The following PCDHGB4 variants were observed in gnomAD, a reference collection of about 807,000 sequenced individuals.
PCDHGB4 encodes protocadherin gamma-B4.
PCDHGB4 carries 38 observed loss-of-function variants against 60.5 expected under a neutral mutation model. That is an observed-to-expected ratio of 0.63 (90% CI 0.48 to 0.82). PCDHGB4 has a LOEUF of 0.82. Among genes scored for constraint, PCDHGB4 ranks in the 40% least tolerant of loss-of-function variants. The pLI is 0.00. For missense variants in PCDHGB4, 1,109 were observed against 1,209.6 expected (o/e 0.92, Z 1.23); for synonymous variants, 456 against 509.7 (o/e 0.89, Z 1.42).
At chr5:141,418,127 A>T in intron 1 of PCDHGB4, 1 of 1,614,104 alleles carries the variant, frequency 6.2e-7, no homozygotes, top group Non-Finnish European at 8.5e-7. Context: ...GAAGGACCGA[A>T]TAGACCGTGA....
At chr5:141,421,774 C>G (rs767599830) in intron 1 of PCDHGB4, 27 of 1,613,772 alleles carry the variant, frequency 1.7e-5, no homozygotes, top group Middle Eastern at 1.6e-4. Context: ...TTCCTTGCAA[C>G]TGCGGGGCAG....
chr5:141,428,204 C>G, intron 1 of PCDHGB4: 2 of 1,324,722 alleles, frequency 1.5e-6, no homozygotes, highest in Non-Finnish European at 1.1e-6. Context: ...TGCGCCGCTA[C>G]GCTTCACCTA....
At chr5:141,393,639 A>G in intron 1 of PCDHGB4, 1 of 1,613,964 alleles carries the variant, frequency 6.2e-7, no homozygotes, top group Non-Finnish European at 8.5e-7. Context: ...AATCAACGGA[A>G]AAGTGGCATA....
intron 1 of PCDHGB4, among the ~76,000 whole-genome samples, chr5:141,448,214 G>A (rs2098576063): frequency 6.6e-6 from 1 of 152,092 alleles, no homozygotes; most frequent in Non-Finnish European, 1.5e-5. Context: ...CTGTGTGTAT[G>A]CGAATGTATG....
chr5:141,413,895 T>A (rs749075692), intron 1 of PCDHGB4: 2 of 1,613,308 alleles, frequency 1.2e-6, no homozygotes, highest in South Asian at 2.2e-5. Flanking sequence ...TCGATGCAAA[T>A]GACAACGCGC....
chr5:141,500,394 A>G (rs1024641290), intron 2 of PCDHGB4, among the ~76,000 whole-genome samples: 1 of 151,922 alleles, frequency 6.6e-6, no homozygotes, highest in Non-Finnish European at 1.5e-5. Flanking sequence ...TATTTTTAGT[A>G]GAGACGGGGT....
chr5:141,393,939 T>C (rs1488586975), intron 1 of PCDHGB4: 2 of 1,613,856 alleles, frequency 1.2e-6, no homozygotes, highest in Non-Finnish European at 8.5e-7. Context: ...TGACCAAGAC[T>C]CTGGAAAGAA....
chr5:141,409,700 G>GCGGTGT (rs1561722150), intron 1 of PCDHGB4: 2 of 1,613,280 alleles, frequency 1.2e-6, no homozygotes, highest in Admixed American at 3.3e-5. Flanking sequence ...AGAGCCCCTG[G>GCGGTGT]CGGTGTCGTC....
intron 1 of PCDHGB4, chr5:141,394,899 G>A: frequency 6.2e-7 from 1 of 1,613,804 alleles, no homozygotes; most frequent in Admixed American, 1.7e-5. Context: ...TCTCGTGGTG[G>A]CAGTGGCTGC....
rs534816363 is a variant in PCDHGB4, at chr5:141,456,234, G to T, written c.2398-38573G>T. Among the ~76,000 whole-genome samples the T allele has an allele frequency of 2.2e-4, 33 of 152,224 alleles. 1 individual carries two copies. The South Asian group carries it at 6.9e-3, about 32-fold the overall frequency. On this transcript the variant is annotated intron_variant, in intron 1 of 3. Transcript: ENST00000519479. ...CTGTGGCGATATCAAACTAACTGCT[G>T]TTAGGAGGCTTTGGGCGACCATTGC...
In PCDHGB4 at chr5:141,413,486, C is replaced by T. The variant is rs756751796; in HGVS notation, c.2397+23205C>T. On this transcript the variant is annotated intron_variant, in intron 1 of 3. Transcript: ENST00000519479. Reference sequence around the variant, plus strand: ...CGGGAGGAGCTCTGCGCTCAGAGCGCGCGGTGCGTGGTGAGTTTTAATATC... The same window carrying T: ...CGGGAGGAGCTCTGCGCTCAGAGCGTGCGGTGCGTGGTGAGTTTTAATATC... 5.0e-6 allele frequency: 8 copies of T among 1,613,914 alleles called. No homozygotes were observed. The African/African-American group carries it at 9.3e-5, about 19-fold the overall frequency.
chr5:141,430,957 C>T (rs771551541), intron 1 of PCDHGB4: 42 of 1,611,532 alleles, frequency 2.6e-5, no homozygotes, highest in Middle Eastern at 3.3e-4. Context: ...GAGTCCGCAT[C>T]ATCCCCAGAG....
In PCDHGB4 at chr5:141,421,851, T is replaced by A. The variant is rs771169063; in HGVS notation, c.2397+31570T>A. 16 of 1,613,596 alleles carry A rather than the reference T, an allele frequency of 9.9e-6. No homozygotes were observed. The Middle Eastern group carries it at 4.9e-4, about 50-fold the overall frequency. On this transcript the variant is annotated intron_variant, in intron 1 of 3. Coordinates refer to ENST00000519479, the MANE Select transcript of PCDHGB4 (RefSeq NM_003736.4). ...GCCTGGACCGAGAGAAAGAGGCTGC[T>A]CACCTGCTCCTCCTCACAGCTTTAG...
chr5:141,415,740 G>GTTTTTTTTT (rs57426385), intron 1 of PCDHGB4: 68 of 625,028 alleles, frequency 1.1e-4, no homozygotes, highest in African/African-American at 1.3e-4. Context: ...GTTTATTAAG[G>GTTTTTTTTT]TTTTTTTTTT....
chr5:141,401,712 A>G (rs987480271), intron 1 of PCDHGB4, among the ~76,000 whole-genome samples: 1 of 152,226 alleles, frequency 6.6e-6, no homozygotes, highest in Non-Finnish European at 1.5e-5. Flanking sequence ...TCCATTTTTA[A>G]GACAAAAACT....
intron 1 of PCDHGB4, among the ~76,000 whole-genome samples, chr5:141,473,390 A>T (rs554428702): frequency 1.3e-5 from 2 of 152,190 alleles, no homozygotes; most frequent in Non-Finnish European, 2.9e-5. Flanking sequence ...GCCCTCCTGG[A>T]GCTTCTTTTT....
In PCDHGB4 at chr5:141,389,742, C is replaced by T. The variant is rs1477462199; in HGVS notation, c.1858C>T (p.Arg620Cys). The change falls in exon 1 of 4, where the codon CGC becomes TGC. Residue 620 changes from arginine (R) to cysteine (C), a missense_variant. Physicochemically the swap from Arg to Cys is radical, Grantham distance 180. This residue lies in a region of PCDHGB4 where 1,068 missense variants were observed against 1,089.9 expected (regional missense o/e 0.98). Transcript: ENST00000519479. ...SEPGLFSLGL[R>C]TGEVRTARAL... is the part of the protein sequence containing the mutation. ...GCCCGGGCTCTTCAGCCTGGGGCTG[C>T]GCACGGGCGAAGTGCGCACAGCGCG... The T allele has an allele frequency of 1.2e-6, 2 of 1,612,602 alleles. No homozygotes were observed. Among genetic ancestry groups the T allele is most frequent in the Non-Finnish European group, 1.7e-6 (2 of 1,179,708 alleles).
In PCDHGB4 at chr5:141,431,892, A is replaced by G. The variant is rs1456048000; in HGVS notation, c.2397+41611A>G. The G allele has an allele frequency of 2.1e-5, 34 of 1,614,054 alleles. No homozygotes were observed. Among genetic ancestry groups the G allele is most frequent in the Non-Finnish European group, 2.7e-5 (32 of 1,179,972 alleles). ...AATGTAAATGACCAAGATTCTGAGG[A>G]AAACGGACAGGTGATCTGTTTCATC... is the stretch of plus-strand genomic sequence containing the variant. On this transcript the variant is annotated intron_variant, in intron 1 of 3. Transcript: ENST00000519479. The surrounding 1 kb of genome is among the most constrained non-coding windows in gnomAD (Gnocchi z 4.8).
chr5:141,410,224 C>T, intron 1 of PCDHGB4: 2 of 1,614,028 alleles, frequency 1.2e-6, no homozygotes, highest in Non-Finnish European at 8.5e-7. Context: ...TACTGCCAGA[C>T]CTCAGCGACC....
Sources: allele counts gnomAD v4.1 joint callset (sites outside exome capture counted in the v4.1 genomes callset), GRCh38; gene constraint gnomAD v4.1.1; regional missense constraint gnomAD v4.1.1; non-coding constraint Gnocchi (gnomAD v3.1); transcripts MANE v1.5; gene names NCBI Gene and HGNC (gene_info 2026-07-23, HGNC 2026-07-21).